GRK7: variants seen among roughly 807,000 people sequenced by gnomAD.
GRK7 encodes rhodopsin kinase GRK7.
Under a neutral mutation model 34.1 loss-of-function variants are expected in GRK7, and 24 were observed. The observed-to-expected ratio is 0.70, with a 90% CI of 0.51 to 0.99. The LOEUF (loss-of-function observed/expected upper bound fraction) is 0.99. GRK7 is among the 50% of genes least tolerant of loss of function. The pLI is 0.00. For missense variants in GRK7, 644 were observed against 707.3 expected (o/e 0.91, Z 1.02); for synonymous variants, 256 against 279.4 (o/e 0.92, Z 0.84).
At chr3:141,811,801 G>A (rs1322471357) in intron 5 of GRK7, among the ~76,000 whole-genome samples, 1 of 152,168 alleles carries the variant, frequency 6.6e-6, no homozygotes, top group African/African-American at 2.4e-5. Flanking sequence ...GCCTTCTTAA[G>A]CATTTGAAAT....
Position 141,808,740 on chromosome 3 carries a change from C to T in GRK7, c.1325+821C>T, listed in dbSNP as rs143898349. ...AAAAAAAGAAAGAAAGTAAGTAGAA[C>T]GGCAGTTTCCTGGGGTTAAGGGGAG... On this transcript the variant is annotated intron_variant, in intron 5 of 5. Coordinates refer to ENST00000682958, the MANE Select transcript of GRK7 (RefSeq NM_139209.3). Among the ~76,000 whole-genome samples the T allele has an allele frequency of 3.6e-3, 539 of 151,688 alleles. 3 individuals carry two copies. The highest frequency in any genetic ancestry group is 5.3e-3 in the Non-Finnish European group (359 of 67,884).
In GRK7 at chr3:141,799,383, C is replaced by T. The variant is rs189541338; in HGVS notation, c.1051-8262C>T. On this transcript the variant is annotated intron_variant, in intron 4 of 5. Coordinates refer to ENST00000682958, the MANE Select transcript of GRK7 (RefSeq NM_139209.3). ...ATCCCAGCCCTTTGGGAGGCTGTGG[C>T]GGATGGATCACAGGAGGTCGGGAGT... Among the ~76,000 whole-genome samples the T allele has an allele frequency of 5.9e-4, 90 of 152,232 alleles. 1 individual carries two copies. The highest frequency in any genetic ancestry group is 2.1e-3 in the African/African-American group (86 of 41,548).
rs1452945152 is a variant in GRK7 at position 141,819,182 on chromosome 3, G to C, written c.*2132G>C. On this transcript the variant is annotated 3_prime_UTR_variant, in exon 6 of 6. Coordinates refer to ENST00000682958, the MANE Select transcript of GRK7 (RefSeq NM_139209.3). ...CTCCAATGGTAGAGTTCTCAGGATTGGGCTTTATAGACGTTAGACATTTAA... is the reference window on the plus strand; with the variant it reads ...CTCCAATGGTAGAGTTCTCAGGATTCGGCTTTATAGACGTTAGACATTTAA... Among the ~76,000 whole-genome samples the C allele has an allele frequency of 6.6e-6, 1 of 152,138 alleles. No homozygotes were observed. Among genetic ancestry groups the C allele is most frequent in the Non-Finnish European group, 1.5e-5 (1 of 68,020 alleles).
intron 4 of GRK7, among the ~76,000 whole-genome samples, chr3:141,790,717 C>T (rs2084720251): frequency 6.6e-6 from 1 of 152,166 alleles, no homozygotes; most frequent in Non-Finnish European, 1.5e-5. Context: ...GCACCCACCA[C>T]CACACTCGGC....
chr3:141,798,451 A>G (rs1282133924), intron 4 of GRK7, among the ~76,000 whole-genome samples: 1 of 152,174 alleles, frequency 6.6e-6, no homozygotes, highest in Non-Finnish European at 1.5e-5. Flanking sequence ...AGGATAAAAC[A>G]CATACACACA....
chr3:141,785,763 CAA>C (rs549296763), intron 4 of GRK7, among the ~76,000 whole-genome samples: 9 of 125,748 alleles, frequency 7.2e-5, no homozygotes, highest in African/African-American at 1.2e-4. Flanking sequence ...GAGTCTGTCT[CAA>C]AAAAAAAAAA....
At chr3:141,802,957 A>G (rs979494493) in intron 4 of GRK7, among the ~76,000 whole-genome samples, 4 of 152,110 alleles carry the variant, frequency 2.6e-5, no homozygotes, top group Non-Finnish European at 4.4e-5. Flanking sequence ...TGCATATTCT[A>G]TTATAAAATC....
intron 4 of GRK7, among the ~76,000 whole-genome samples, chr3:141,791,377 T>C (rs1389805498): frequency 6.6e-6 from 1 of 152,018 alleles, no homozygotes; most frequent in East Asian, 1.9e-4. Context: ...TTTCTTTAAG[T>C]GCTCACTTCT....
chr3:141,786,774 G>C (rs1253605004), intron 4 of GRK7, among the ~76,000 whole-genome samples: 2 of 147,224 alleles, frequency 1.4e-5, no homozygotes, highest in Non-Finnish European at 3.0e-5. Context: ...TAAGACTCTC[G>C]GAAAAAAAAA....
intron 1 of GRK7, among the ~76,000 whole-genome samples, chr3:141,771,779 G>A (rs1295697905): frequency 3.3e-5 from 5 of 152,004 alleles, no homozygotes; most frequent in African/African-American, 1.2e-4. Flanking sequence ...CTGCCTCCTG[G>A]GTTCAAGCAA....
intron 4 of GRK7, among the ~76,000 whole-genome samples, chr3:141,802,185 T>C (rs980307271): frequency 6.6e-6 from 1 of 152,000 alleles, no homozygotes; most frequent in Non-Finnish European, 1.5e-5. Flanking sequence ...AGACCCCGTC[T>C]GTACCAAAGA....
intron 1 of GRK7, among the ~76,000 whole-genome samples, chr3:141,768,172 C>G (rs1302340532): frequency 5.9e-5 from 9 of 152,138 alleles, no homozygotes; most frequent in Admixed American, 5.9e-4. Context: ...GCAACAGACC[C>G]ACACTCCTGT....
At chr3:141,777,322 C>CCTTTTTTTTTTTTTTT (rs2084644173) in intron 2 of GRK7, among the ~76,000 whole-genome samples, 1 of 52,872 alleles carries the variant, frequency 1.9e-5, no homozygotes, top group African/African-American at 9.0e-5. Flanking sequence ...GATGGCCCCT[C>CCTTTTTTTTTTTTTTT]TTTTTTTTTT....
chr3:141,817,090 G>C lies in GRK7; in HGVS notation c.*40G>C. On this transcript the variant is annotated 3_prime_UTR_variant, in exon 6 of 6. Transcript: ENST00000682958. ...CAGACAGGCAGCAGGAGTCTCGGCT[G>C]ACATAATCCTCGAATGTTCCACACG... 1.4e-6 allele frequency: 2 copies of C among 1,446,508 alleles called. No homozygotes were observed. Among genetic ancestry groups the C allele is most frequent in the South Asian group, 2.6e-5 (2 of 76,836 alleles). 89.6% of individuals were successfully genotyped at this position (1,446,508 alleles called of 1,614,324 possible).
chr3:141,806,181 A>G (rs1285030006), intron 4 of GRK7, among the ~76,000 whole-genome samples: 2 of 152,144 alleles, frequency 1.3e-5, no homozygotes, highest in Non-Finnish European at 2.9e-5. Flanking sequence ...TTTGAGGTAC[A>G]TACTCCACAG....
intron 4 of GRK7, among the ~76,000 whole-genome samples, chr3:141,794,526 C>T (rs1374066295): frequency 1.3e-5 from 2 of 152,232 alleles, no homozygotes; most frequent in Non-Finnish European, 2.9e-5. Context: ...CCAGACGGAA[C>T]CTGGCATTAT....
Position 141,816,945 on chromosome 3 carries a change from A to G in GRK7, c.1557A>G (p.Glu519=). ...GTGCTGTTCCTATAGCATGGCAGGA[A>G]GAAATTATAGAAACGGGACTGTTTG... ...ATGAVPIAWQ[E]EIIETGLFEE... The change falls in exon 6 of 6, where the codon GAA becomes GAG. Residue 519 remains glutamate (E), a synonymous_variant. Transcript: ENST00000682958. 3.1e-6 allele frequency: 5 copies of G among 1,614,084 alleles called. No homozygotes were observed. The highest frequency in any genetic ancestry group is 4.2e-6 in the Non-Finnish European group (5 of 1,179,918).
chr3:141,777,491 A>ATTTTTTTTTTTTTTTTTTTTTTTTTT (rs530806848), intron 2 of GRK7, among the ~76,000 whole-genome samples: 1 of 80,560 alleles, frequency 1.2e-5, no homozygotes, highest in Admixed American at 1.4e-4. Flanking sequence ...AGCCCGGCTA[A>ATTTTTTTTTTTTTTTTTTTTTTTTTT]TTTTTTTTTT....
upstream of GRK7, among the ~76,000 whole-genome samples, chr3:141,762,075 C>T (rs1156638649): frequency 4.0e-5 from 6 of 149,858 alleles, no homozygotes; most frequent in Admixed American, 2.0e-4. Context: ...CCTCCCGTAG[C>T]TCAGAGTAAT....
Sources: allele counts gnomAD v4.1 joint callset (sites outside exome capture counted in the v4.1 genomes callset), GRCh38; gene constraint gnomAD v4.1.1; transcripts MANE v1.5; gene names NCBI Gene and HGNC (gene_info 2026-07-23, HGNC 2026-07-21).